PRKCA: variants seen among roughly 807,000 people sequenced by gnomAD.
PRKCA encodes protein kinase C alpha.
A neutral mutation model predicts 87.0 loss-of-function variants in PRKCA; 27 were observed. The observed-to-expected ratio is 0.31, with a 90% CI of 0.23 to 0.43. The LOEUF (loss-of-function observed/expected upper bound fraction) is 0.43, where lower values mean the gene tolerates loss of function less well. Among genes scored for constraint, PRKCA ranks in the 20% least tolerant of loss-of-function variants. The pLI is 1.00. For synonymous variants in PRKCA, 329 were observed against 311.1 expected, an observed-to-expected ratio of 1.06 and a Z score of -0.61; for missense variants, 518 against 852.3, an observed-to-expected ratio of 0.61 and a Z score of 4.88.
intron 2 of PRKCA, among the ~76,000 whole-genome samples, chr17:66,469,619 A>G (rs1183276191): frequency 6.6e-6 from 1 of 152,212 alleles, no homozygotes; most frequent in Non-Finnish European, 1.5e-5. Context: ...CTTGTAAAGG[A>G]CATTTTACAT....
chr17:66,534,919 C>T (rs193033087), intron 3 of PRKCA, among the ~76,000 whole-genome samples: 3 of 152,114 alleles, frequency 2.0e-5, no homozygotes, highest in African/African-American at 7.2e-5. Context: ...AATATATTTC[C>T]ATTTCAATGG....
intron 16 of PRKCA, among the ~76,000 whole-genome samples, chr17:66,800,520 C>T (rs1975876881): frequency 6.6e-6 from 1 of 152,224 alleles, no homozygotes; most frequent in Non-Finnish European, 1.5e-5. Flanking sequence ...GTCCTCAAGC[C>T]TCCCTCTCCA....
intron 3 of PRKCA, among the ~76,000 whole-genome samples, chr17:66,539,020 G>T (rs10512513): frequency 0.54 from 81,654 of 152,002 alleles, 22,790 homozygotes; most frequent in African/African-American, 0.69. Context: ...TTTTATCTTC[G>T]GAACTGTGAT....
intron 2 of PRKCA, among the ~76,000 whole-genome samples, chr17:66,373,416 A>G (rs1352333842): frequency 6.6e-6 from 1 of 152,302 alleles, no homozygotes; most frequent in South Asian, 2.1e-4. Context: ...AATGTTCCCC[A>G]AAAGCCCATG....
chr17:66,798,360 C>G (rs1160031099), intron 16 of PRKCA, among the ~76,000 whole-genome samples: 2 of 126,994 alleles, frequency 1.6e-5, no homozygotes, highest in Non-Finnish European at 3.3e-5. Flanking sequence ...TCTGGTTTTC[C>G]TTATCTTTTT....
intron 2 of PRKCA, chr17:66,306,348 TC>T (rs1260795907): frequency 1.3e-5 from 5 of 394,828 alleles, no homozygotes; most frequent in Non-Finnish European, 2.2e-5. Context: ...AAAAAGCCTT[TC>T]TGTAATTTTA....
In PRKCA at chr17:66,783,531, C is replaced by T. The variant is rs574485256; in HGVS notation, c.1606-3336C>T. On this transcript the variant is annotated intron_variant, in intron 14 of 16. Coordinates refer to ENST00000413366, the MANE Select transcript of PRKCA (RefSeq NM_002737.3). ...CCATTCACCTTCAGAAATGAGCATA[C>T]GTGGGGACAGCTCACCTGGCAAAGC... is the stretch of plus-strand genomic sequence containing the variant. Among the ~76,000 whole-genome samples, 8 of 152,252 alleles carry T rather than the reference C, an allele frequency of 5.3e-5. No homozygotes were observed. The East Asian group carries it at 9.7e-4, about 18-fold the overall frequency.
chr17:66,426,065 A>G (rs550778400), intron 2 of PRKCA, among the ~76,000 whole-genome samples: 5 of 152,230 alleles, frequency 3.3e-5, no homozygotes, highest in African/African-American at 1.2e-4. Context: ...ACGTTGGATT[A>G]CTTTTTCTGT....
intron 3 of PRKCA, among the ~76,000 whole-genome samples, chr17:66,596,221 C>T (rs1315417582): frequency 1.3e-5 from 2 of 152,232 alleles, no homozygotes; most frequent in African/African-American, 4.8e-5. Context: ...TGGGTACCTT[C>T]TGGCGTATTT....
At position 66,399,820 on chromosome 17, in the gene PRKCA, A is replaced by G. The variant is rs181644651; in HGVS notation, c.205+93693A>G. Among the ~76,000 whole-genome samples the G allele has an allele frequency of 5.6e-4, 86 of 152,258 alleles. 1 individual carries two copies. Among genetic ancestry groups the G allele is most frequent in the African/African-American group, 1.9e-3 (80 of 41,546 alleles). On this transcript the variant is annotated intron_variant, in intron 2 of 16. Transcript: ENST00000413366. Reference sequence around the variant, plus strand: ...TTTCAGGGCTGAATAATATAACATTATATATATGGATATGTACATTGAATA... The same window carrying G: ...TTTCAGGGCTGAATAATATAACATTGTATATATGGATATGTACATTGAATA...
chr17:66,796,271 T>C (rs1250430880), intron 16 of PRKCA, among the ~76,000 whole-genome samples: 1 of 152,254 alleles, frequency 6.6e-6, no homozygotes, highest in Non-Finnish European at 1.5e-5. Context: ...CAGATGAGGT[T>C]GTGCTGTGTT....
chr17:66,406,594 T>TG (rs1260938227), intron 2 of PRKCA, among the ~76,000 whole-genome samples: 2 of 143,168 alleles, frequency 1.4e-5, no homozygotes, highest in African/African-American at 5.0e-5. Flanking sequence ...GGTTTTTTTT[T>TG]TTTTTTTTTT....
chr17:66,800,936 T>C (rs1975886170), intron 16 of PRKCA, among the ~76,000 whole-genome samples: 1 of 152,188 alleles, frequency 6.6e-6, no homozygotes, highest in Non-Finnish European at 1.5e-5. Context: ...GCACAGATGA[T>C]CTCTCATTAA....
intron 3 of PRKCA, among the ~76,000 whole-genome samples, chr17:66,616,625 G>T (rs1161868012): frequency 6.6e-6 from 1 of 152,144 alleles, no homozygotes; most frequent in African/African-American, 2.4e-5. Context: ...AGGGTTATCT[G>T]CCCCCAGCTA....
At chr17:66,777,897 C>G in intron 14 of PRKCA, 1 of 985,378 alleles carries the variant, frequency 1.0e-6, no homozygotes, top group Non-Finnish European at 1.2e-6. Flanking sequence ...CTGGCTTCTC[C>G]CCTCTCCAAG....
chr17:66,508,526 C>T (rs228879), intron 3 of PRKCA, among the ~76,000 whole-genome samples: 54,080 of 151,984 alleles, frequency 0.36, 10,475 homozygotes, highest in Middle Eastern at 0.5. Context: ...GCCTATTCTC[C>T]GTGCATCTCT....
intron 14 of PRKCA, among the ~76,000 whole-genome samples, chr17:66,779,362 CATAA>C (rs1975146562): frequency 6.6e-6 from 1 of 151,734 alleles, no homozygotes; most frequent in African/African-American, 2.4e-5. Context: ...ACTTTTGGGG[CATAA>C]ATAGTGTTTA....
At chr17:66,687,759 G>A (rs944009067) in intron 6 of PRKCA, among the ~76,000 whole-genome samples, 1 of 152,188 alleles carries the variant, frequency 6.6e-6, no homozygotes, top group African/African-American at 2.4e-5. Context: ...GCCAGCCTGG[G>A]AGGGTTGCCA....
chr17:66,711,718 A>G (rs1156241101), intron 8 of PRKCA, among the ~76,000 whole-genome samples: 1 of 152,100 alleles, frequency 6.6e-6, no homozygotes, highest in Non-Finnish European at 1.5e-5. Context: ...GAGGATTTGC[A>G]AGGGGAGAAA....
Sources: gnomAD v4.1 joint callset for allele counts (sites outside exome capture counted in the v4.1 genomes callset) on GRCh38, gnomAD v4.1.1 for gene constraint, MANE v1.5 for transcripts, NCBI Gene and HGNC (gene_info 2026-07-23, HGNC 2026-07-21) for gene names.